Variants in SIPA1L3 observed in about 807,000 individuals in gnomAD.
The protein encoded by SIPA1L3 is signal induced proliferation associated 1 like 3.
In SIPA1L3, 59 loss-of-function variants were observed where a neutral mutation model predicts 150.1. The observed-to-expected ratio is 0.39, with a 90% CI of 0.32 to 0.49. The LOEUF is 0.49. Ranked by LOEUF, SIPA1L3 falls within the 20% of genes least tolerant of loss-of-function variation. The pLI is 0.86. For missense variants in SIPA1L3, 2,211 were observed against 2,489.5 expected (o/e 0.89, Z 2.38); for synonymous variants, 1,070 against 1,077.6 (o/e 0.99, Z 0.14).
At chr19:37,984,683 C>A (rs1464645559) in intron 1 of SIPA1L3, among the ~76,000 whole-genome samples, 3 of 152,214 alleles carry the variant, frequency 2.0e-5, no homozygotes, top group Non-Finnish European at 4.4e-5. Context: ...TAGGTCCTGA[C>A]ACATAGCAAG....
rs1040231829 is a variant in SIPA1L3, at chr19:37,910,363, G to A, written c.-379+3005G>A. Among the ~76,000 whole-genome samples, 26 of 152,050 alleles carry A rather than the reference G, an allele frequency of 1.7e-4. 1 individual carries two copies. Among genetic ancestry groups the A allele is most frequent in the Non-Finnish European group, 3.1e-4 (21 of 67,978 alleles). ...GTGGGTGGATCACTTGAGCCCAGGA[G>A]TTTGAGAGCAGCCTGGGCAACATGG... On this transcript the variant is annotated intron_variant, in intron 1 of 21. Transcript: ENST00000222345.
chr19:38,002,264 G>C (rs143317208), intron 1 of SIPA1L3, among the ~76,000 whole-genome samples: 157 of 152,274 alleles, frequency 1.0e-3, no homozygotes, highest in African/African-American at 3.6e-3. Context: ...ATTGACGAAT[G>C]TAAGTGTCTC....
chr19:38,046,562 G>T lies in SIPA1L3; in HGVS notation c.-311+17406G>T, dbSNP rs1053929833. On this transcript the variant is annotated intron_variant, in intron 2 of 21. Transcript: ENST00000222345. The surrounding 1 kb of genome is among the most constrained non-coding windows in gnomAD (Gnocchi z 5.6). ...CAGATTACCTGTGTCTCCTGGGCATGGCACAGGAAATGACTCCTTCATAGG... is the reference window on the plus strand; with the variant it reads ...CAGATTACCTGTGTCTCCTGGGCATTGCACAGGAAATGACTCCTTCATAGG... Among the ~76,000 whole-genome samples the T allele has an allele frequency of 2.0e-5, 3 of 152,170 alleles. No individual in the cohort carries two copies. The highest frequency in any genetic ancestry group is 7.2e-5 in the African/African-American group (3 of 41,426).
intron 1 of SIPA1L3, among the ~76,000 whole-genome samples, chr19:38,001,031 A>G (rs566877518): frequency 2.0e-5 from 3 of 149,972 alleles, no homozygotes; most frequent in South Asian, 2.1e-4. Flanking sequence ...TCACACACAT[A>G]TATCACACAT....
rs372557650 is a variant in SIPA1L3 at position 38,124,406 on chromosome 19, C to T, written c.2868+4524C>T. Among the ~76,000 whole-genome samples, 253 of 148,212 alleles carry T rather than the reference C, an allele frequency of 1.7e-3. 6 individuals carry two copies. The East Asian group carries it at 0.044, about 26-fold the overall frequency. ...CGCTCCCCACATCTCAGACGATGGG[C>T]GGCCGGGCAGAGACGTTCCTCACTT... On this transcript the variant is annotated intron_variant, in intron 9 of 21. Coordinates refer to ENST00000222345, the MANE Select transcript of SIPA1L3 (RefSeq NM_015073.3).
chr19:37,968,875 A>T (rs567070805), intron 1 of SIPA1L3, among the ~76,000 whole-genome samples: 1 of 152,198 alleles, frequency 6.6e-6, no homozygotes, highest in Non-Finnish European at 1.5e-5. Context: ...AACCATTGCT[A>T]TGACCAGGGA....
At chr19:37,958,981 ATT>A (rs1380058597) in intron 1 of SIPA1L3, among the ~76,000 whole-genome samples, 1 of 152,252 alleles carries the variant, frequency 6.6e-6, no homozygotes, top group Non-Finnish European at 1.5e-5. Flanking sequence ...ACAAGATTCT[ATT>A]TCACACCAAC....
chr19:38,015,526 C>G (rs1968211035), intron 1 of SIPA1L3, among the ~76,000 whole-genome samples: 1 of 152,024 alleles, frequency 6.6e-6, no homozygotes, highest in South Asian at 2.1e-4. Context: ...GAGTTTGAGA[C>G]CAGCCTGGGA....
intron 2 of SIPA1L3, among the ~76,000 whole-genome samples, chr19:38,061,786 T>G: frequency 6.6e-6 from 1 of 150,550 alleles, no homozygotes; most frequent in South Asian, 2.1e-4. Context: ...AACTAGCTGG[T>G]TGGCTGTTTG....
chr19:38,167,639 G>A (rs190614504), intron 15 of SIPA1L3, among the ~76,000 whole-genome samples: 1 of 152,204 alleles, frequency 6.6e-6, no homozygotes, highest in East Asian at 1.9e-4. Context: ...CATAGCTCAC[G>A]ATAGCCTCGA....
chr19:38,084,600 G>T (rs1386019381), intron 3 of SIPA1L3, among the ~76,000 whole-genome samples: 1 of 141,384 alleles, frequency 7.1e-6, no homozygotes, highest in Non-Finnish European at 1.5e-5. Context: ...GTACCCCACA[G>T]CAGCTAGGTT....
intron 12 of SIPA1L3, among the ~76,000 whole-genome samples, chr19:38,148,235 C>G (rs1438089513): frequency 6.6e-6 from 1 of 151,548 alleles, no homozygotes; most frequent in East Asian, 2.0e-4. Context: ...CCTGTAGTCC[C>G]AGCTACTCGG....
At chr19:38,050,528 A>G (rs1431239044) in intron 2 of SIPA1L3, among the ~76,000 whole-genome samples, 1 of 152,242 alleles carries the variant, frequency 6.6e-6, no homozygotes, top group East Asian at 1.9e-4. Flanking sequence ...TATTATCACT[A>G]TCACCGTCAT....
chr19:38,082,083 A>C lies in SIPA1L3; in HGVS notation c.518A>C (p.Glu173Ala). 1 of 1,611,844 alleles carries C rather than the reference A, an allele frequency of 6.2e-7. No individual in the cohort carries two copies. The highest frequency in any genetic ancestry group is 1.3e-5 in the African/African-American group (1 of 75,066). ...FLPLRHRSSS[E>A]ITLSECDAED... is the part of the protein sequence containing the mutation. ...CCCCTTCGGCACCGCAGCAGCAGCGAGATCACCCTCAGCGAGTGTGACGCG... is the reference window on the plus strand; with the variant it reads ...CCCCTTCGGCACCGCAGCAGCAGCGCGATCACCCTCAGCGAGTGTGACGCG... The change falls in exon 3 of 22, where the codon GAG becomes GCG. Residue 173 changes from glutamate to alanine, a missense_variant. Coordinates refer to ENST00000222345, the MANE Select transcript of SIPA1L3 (RefSeq NM_015073.3).
At chr19:38,132,708 C>T (rs982601354) in intron 10 of SIPA1L3, among the ~76,000 whole-genome samples, 38 of 149,212 alleles carry the variant, frequency 2.5e-4, no homozygotes, top group African/African-American at 8.4e-4. Context: ...AGTGCAGTGG[C>T]GCAATCTTGG....
intron 6 of SIPA1L3, among the ~76,000 whole-genome samples, 174 bp downstream of exon 6, chr19:38,101,400 C>G (rs921179288): frequency 6.6e-6 from 1 of 151,826 alleles, no homozygotes; most frequent in Non-Finnish European, 1.5e-5. Flanking sequence ...TGTTGTTGTA[C>G]TTGTTGTTGT....
intron 16 of SIPA1L3, among the ~76,000 whole-genome samples, chr19:38,189,252 G>A (rs1972754861): frequency 6.6e-6 from 1 of 150,992 alleles, no homozygotes; most frequent in African/African-American, 2.4e-5. Flanking sequence ...TCCTATCTTA[G>A]TAGCTGGGCC....
At chr19:38,053,816 G>A (rs1345690633) in intron 2 of SIPA1L3, among the ~76,000 whole-genome samples, 2 of 151,866 alleles carry the variant, frequency 1.3e-5, no homozygotes, top group African/African-American at 4.8e-5. Context: ...TCCTCTCGCC[G>A]TGGCCTCCCA....
chr19:38,070,204 CT>C (rs1210385341), intron 2 of SIPA1L3, among the ~76,000 whole-genome samples: 1 of 151,402 alleles, frequency 6.6e-6, no homozygotes, highest in East Asian at 2.0e-4. Context: ...ATCTATCTAT[CT>C]ATCTATCTAT....
Sources: gnomAD v4.1 joint callset for allele counts (sites outside exome capture counted in the v4.1 genomes callset) on GRCh38, gnomAD v4.1.1 for gene constraint, Gnocchi (gnomAD v3.1) non-coding constraint, MANE v1.5 for transcripts, NCBI Gene and HGNC (gene_info 2026-07-23, HGNC 2026-07-21) for gene names.